The following ZRANB3 variants were observed in gnomAD, a reference collection of about 807,000 sequenced individuals.
The protein encoded by ZRANB3 is zinc finger RANBP2-type containing 3, also known as DNA annealing helicase and endonuclease ZRANB3.
In ZRANB3, 125 loss-of-function variants were observed where a neutral mutation model predicts 133.8. The observed-to-expected ratio is 0.93, with a 90% CI of 0.81 to 1.08. The LOEUF (loss-of-function observed/expected upper bound fraction) is 1.08. Ranked by LOEUF, ZRANB3 falls within the 50% of genes least tolerant of loss-of-function variation. The pLI is 0.00. For synonymous variants in ZRANB3, 387 were observed against 432.7 expected (o/e 0.89, Z 1.31); for missense variants, 1,229 against 1,275.5 (o/e 0.96, Z 0.56).
chr2:135,398,364 C>T (rs930047325), intron 2 of ZRANB3, among the ~76,000 whole-genome samples: 4 of 151,800 alleles, frequency 2.6e-5, no homozygotes, highest in Admixed American at 1.3e-4. Context: ...CTGCACCTGG[C>T]CCTACATGCC....
chr2:135,211,224 C>G (rs573162008), intron 17 of ZRANB3, among the ~76,000 whole-genome samples: 2 of 151,996 alleles, frequency 1.3e-5, no homozygotes, highest in East Asian at 1.9e-4. Flanking sequence ...ATCACTAATT[C>G]CAGAATATTT....
intron 2 of ZRANB3, among the ~76,000 whole-genome samples, chr2:135,400,239 C>CA (rs1312925406): frequency 2.0e-5 from 3 of 151,530 alleles, no homozygotes; most frequent in Admixed American, 2.0e-4. Flanking sequence ...GACTTCATCT[C>CA]AAAAATAGTA....
chr2:135,242,776 C>T (rs1291083951), intron 12 of ZRANB3, among the ~76,000 whole-genome samples: 2 of 151,576 alleles, frequency 1.3e-5, no homozygotes, highest in African/African-American at 4.9e-5. Flanking sequence ...TCTTCATTAT[C>T]CTCCTTTCTT....
chr2:135,238,523 C>T (rs982178686), intron 12 of ZRANB3, among the ~76,000 whole-genome samples: 2 of 151,950 alleles, frequency 1.3e-5, no homozygotes, highest in Non-Finnish European at 2.9e-5. Context: ...ACTATCACGC[C>T]CAGCTAATTT....
At chr2:135,289,901 TCAAAAA>T (rs956830455) in intron 8 of ZRANB3, among the ~76,000 whole-genome samples, 3 of 152,166 alleles carry the variant, frequency 2.0e-5, no homozygotes, top group African/African-American at 7.2e-5. Flanking sequence ...AGACCCTGTC[TCAAAAA>T]CAAAAACAAA....
At chr2:135,293,054 C>A (rs529484166) in intron 8 of ZRANB3, among the ~76,000 whole-genome samples, 4,834 of 152,032 alleles carry the variant, frequency 0.032, 248 homozygotes, top group African/African-American at 0.11. Context: ...GTTCTTTTGG[C>A]TTAGGATTGA....
At chr2:135,444,952 G>A (rs1689948450) in intron 2 of ZRANB3, among the ~76,000 whole-genome samples, 1 of 152,168 alleles carries the variant, frequency 6.6e-6, no homozygotes, top group African/African-American at 2.4e-5. Flanking sequence ...ACTCTGGGGA[G>A]TATTAGTAGC....
chr2:135,340,774 T>TTCACTTCTATAACTTTATCTTA lies in ZRANB3; in HGVS notation c.677+4775_677+4776insTAAGATAAAGTTATAGAAGTGA, dbSNP rs1684614359. Among the ~76,000 whole-genome samples, 464 of 140,838 alleles carry TTCACTTCTATAACTTTATCTTA rather than the reference T, an allele frequency of 3.3e-3. 22 individuals are homozygous for TTCACTTCTATAACTTTATCTTA. The highest frequency in any genetic ancestry group is 0.014 in the African/African-American group (443 of 30,692). 92.4% of individuals were successfully genotyped at this position (140,838 alleles called of 152,430 possible). ...GGGAGGCTGAGGCAGGAGAATTGCT[T>TTCACTTCTATAACTTTATCTTA]GAACCTAGGAGGTGGAGGTTGCAAT... On this transcript the variant is annotated intron_variant, in intron 6 of 20. Transcript: ENST00000264159.
chr2:135,510,677 G>A (rs1559046505), intron 1 of ZRANB3: 14 of 790,074 alleles, frequency 1.8e-5, no homozygotes, highest in South Asian at 2.7e-5. Flanking sequence ...CGATCATCTC[G>A]TCAGTCCCCT....
chr2:135,518,293 G>A (rs1323953033), intron 1 of ZRANB3, among the ~76,000 whole-genome samples: 2 of 152,078 alleles, frequency 1.3e-5, no homozygotes, highest in Non-Finnish European at 2.9e-5. Context: ...TGTTCCAGGA[G>A]CCACTGTGGT....
intron 6 of ZRANB3, among the ~76,000 whole-genome samples, chr2:135,319,473 T>C (rs1573903174): frequency 6.6e-6 from 1 of 152,234 alleles, no homozygotes; most frequent in African/African-American, 2.4e-5. Context: ...AAAGTTTATT[T>C]CAAGTTTATA....
intron 8 of ZRANB3, among the ~76,000 whole-genome samples, chr2:135,305,723 T>C (rs950563570): frequency 6.6e-6 from 1 of 152,242 alleles, no homozygotes; most frequent in Non-Finnish European, 1.5e-5. Context: ...AATTATTTTT[T>C]TCCAGGTGTA....
chr2:135,404,880 G>A (rs1336348734), intron 2 of ZRANB3, among the ~76,000 whole-genome samples: 1 of 152,146 alleles, frequency 6.6e-6, no homozygotes, highest in Non-Finnish European at 1.5e-5. Flanking sequence ...AAAATGTAAA[G>A]ACCATCGAGG....
At chr2:135,241,231 T>C (rs145454952) in intron 12 of ZRANB3, among the ~76,000 whole-genome samples, 33 of 152,220 alleles carry the variant, frequency 2.2e-4, no homozygotes, top group Admixed American at 3.3e-4. Flanking sequence ...TTTACTGTAA[T>C]ATTTTCCTTC....
At chr2:135,422,049 T>A (rs1688877260) in intron 2 of ZRANB3, among the ~76,000 whole-genome samples, 1 of 152,156 alleles carries the variant, frequency 6.6e-6, no homozygotes, top group South Asian at 2.1e-4. Context: ...TTGTCTTGGA[T>A]TGATTTCTAA....
intron 2 of ZRANB3, among the ~76,000 whole-genome samples, chr2:135,489,712 G>C (rs1188152849): frequency 2.0e-5 from 3 of 151,110 alleles, no homozygotes; most frequent in African/African-American, 7.3e-5. Flanking sequence ...ACTAAAATAG[G>C]AAAGTACACA....
At chr2:135,348,077 G>T (rs563772911) in intron 5 of ZRANB3, among the ~76,000 whole-genome samples, 2 of 152,102 alleles carry the variant, frequency 1.3e-5, no homozygotes, top group Admixed American at 6.5e-5. Context: ...TGGCCAACAT[G>T]GTAAAATCCC....
intron 2 of ZRANB3, among the ~76,000 whole-genome samples, chr2:135,417,135 T>A (rs576074995): frequency 2.0e-5 from 3 of 151,934 alleles, no homozygotes; most frequent in Non-Finnish European, 4.4e-5. Context: ...TAAAGAGCTT[T>A]TGCACAGCAA....
rs1553464171 is a variant in ZRANB3 at position 135,268,979 on chromosome 2, C to T, written c.1369G>A (p.Gly457Arg). Residue 457 changes from glycine to arginine, a missense_variant, in exon 11 of 21, where the codon GGA (glycine) becomes AGA (arginine). Physicochemically the swap from Gly to Arg is moderately radical, Grantham distance 125 (BLOSUM62 -2). Transcript: ENST00000264159. ...ANGTLDTLMW[G>R]MLNRKAQVTG... ...AGCTTTACCTTGCGATTCAACATTC[C>T]CCACATAAGGGTGTCTAGGGTTCCA... 6.2e-7 allele frequency: 1 copy of T among 1,602,306 alleles called. No homozygotes were observed. The highest frequency in any genetic ancestry group is 2.2e-5 in the East Asian group (1 of 44,554).
Sources: allele counts gnomAD v4.1 joint callset (sites outside exome capture counted in the v4.1 genomes callset), GRCh38; gene constraint gnomAD v4.1.1; transcripts MANE v1.5; gene names NCBI Gene and HGNC (gene_info 2026-07-23, HGNC 2026-07-21).